NCAM2: variants seen among roughly 807,000 people sequenced by gnomAD.
NCAM2 encodes the protein N-CAM-2.
A neutral mutation model predicts 98.1 loss-of-function variants in NCAM2; 30 were observed. The observed-to-expected ratio is 0.31, with a 90% CI of 0.23 to 0.41. NCAM2 has a LOEUF of 0.41. NCAM2 is among the 10% of genes least tolerant of loss of function. The pLI is 1.00. For synonymous variants in NCAM2, 368 were observed against 342.4 expected (o/e 1.07, Z -0.83); for missense variants, 867 against 1,005.8 (o/e 0.86, Z 1.87).
chr21:21,290,880 C>T (rs2073266002), intron 4 of NCAM2, among the ~76,000 whole-genome samples: 1 of 151,870 alleles, frequency 6.6e-6, no homozygotes, highest in African/African-American at 2.4e-5. Context: ...ATGGCTCACT[C>T]ATGCAAAGTC....
chr21:21,257,286 A>G (rs2071710130), intron 1 of NCAM2, among the ~76,000 whole-genome samples: 1 of 152,224 alleles, frequency 6.6e-6, no homozygotes, highest in South Asian at 2.1e-4. Flanking sequence ...TAATCATAGA[A>G]TTGACAGCCA....
At chr21:21,245,022 G>A (rs1241871639) in intron 1 of NCAM2, among the ~76,000 whole-genome samples, 1 of 152,006 alleles carries the variant, frequency 6.6e-6, no homozygotes, top group Non-Finnish European at 1.5e-5. Context: ...ATTCAAGGGG[G>A]TATACACACT....
intron 1 of NCAM2, among the ~76,000 whole-genome samples, chr21:21,175,570 G>A (rs2146874823): frequency 6.6e-6 from 1 of 152,066 alleles, no homozygotes; most frequent in South Asian, 2.1e-4. Context: ...AAAACAGGGT[G>A]GTAACATTAA....
At chr21:21,466,533 T>G in intron 12 of NCAM2, 73 bp from the exon 13 acceptor site, 1 of 1,125,304 alleles carries the variant, frequency 8.9e-7, no homozygotes, top group Non-Finnish European at 1.2e-6. Context: ...TTTGTTTTCC[T>G]TATTAAAATG....
chr21:21,244,611 G>A (rs1338773685), intron 1 of NCAM2, among the ~76,000 whole-genome samples: 2 of 152,048 alleles, frequency 1.3e-5, no homozygotes, highest in Admixed American at 6.5e-5. Flanking sequence ...CACTTTGGGA[G>A]GCTGAGGCAG....
intron 9 of NCAM2, among the ~76,000 whole-genome samples, chr21:21,375,218 A>C (rs2076005210): frequency 6.7e-6 from 1 of 148,808 alleles, no homozygotes; most frequent in African/African-American, 2.5e-5. Flanking sequence ...ACAAAAACAA[A>C]AACAAAAAAA....
At chr21:21,401,315 G>A (rs1045255972) in intron 9 of NCAM2, among the ~76,000 whole-genome samples, 6 of 151,944 alleles carry the variant, frequency 3.9e-5, no homozygotes, top group Admixed American at 6.6e-5. Flanking sequence ...AGCCTTTTTC[G>A]TGGTGAGAAC....
In NCAM2 at chr21:21,157,567, TGAAGG is replaced by T. The variant is rs527651354; in HGVS notation, c.56-123009_56-123005del. ...TCATCTTTGTACATTGTCAAATAAATGAAGGGGAGGAATTAATTTAATTACACTTT... is the reference window on the plus strand; with the variant it reads ...TCATCTTTGTACATTGTCAAATAAATGGAGGAATTAATTTAATTACACTTT... On this transcript the variant is annotated intron_variant, in intron 1 of 17. Coordinates refer to ENST00000400546, the MANE Select transcript of NCAM2 (RefSeq NM_004540.5). Among the ~76,000 whole-genome samples the T allele has an allele frequency of 3.3e-5, 5 of 152,258 alleles. No individual in the cohort carries two copies. The South Asian group carries it at 1.0e-3, about 32-fold the overall frequency.
chr21:21,203,494 G>T (rs950775039), intron 1 of NCAM2, among the ~76,000 whole-genome samples: 2 of 152,116 alleles, frequency 1.3e-5, no homozygotes, highest in Admixed American at 6.5e-5. Context: ...CATATGTACA[G>T]TAATGATGTC....
intron 1 of NCAM2, among the ~76,000 whole-genome samples, chr21:21,048,822 A>G (rs2065048284): frequency 1.3e-5 from 2 of 152,172 alleles, no homozygotes; most frequent in Admixed American, 1.3e-4. Context: ...AATATTTTAC[A>G]GAGTTTGACT....
intron 1 of NCAM2, among the ~76,000 whole-genome samples, chr21:21,190,784 C>A (rs1294088654): frequency 6.6e-6 from 1 of 152,062 alleles, no homozygotes; most frequent in Non-Finnish European, 1.5e-5. Context: ...AATTTTCTTA[C>A]CTGTAAAATG....
chr21:21,047,716 A>G (rs375727538), intron 1 of NCAM2, among the ~76,000 whole-genome samples: 2 of 152,158 alleles, frequency 1.3e-5, no homozygotes, highest in African/African-American at 4.8e-5. Flanking sequence ...TTCATAACTC[A>G]TTAACTTGCT....
chr21:21,360,315 C>T, intron 8 of NCAM2, among the ~76,000 whole-genome samples: 1 of 151,960 alleles, frequency 6.6e-6, no homozygotes, highest in Non-Finnish European at 1.5e-5. Flanking sequence ...TGTTTAGTAG[C>T]TGTGTTTATA....
intron 9 of NCAM2, among the ~76,000 whole-genome samples, chr21:21,381,007 A>T (rs2076142473): frequency 6.6e-6 from 1 of 152,082 alleles, no homozygotes; most frequent in Non-Finnish European, 1.5e-5. Context: ...CTTTCCATTC[A>T]TTTACTTTTA....
intron 8 of NCAM2, among the ~76,000 whole-genome samples, chr21:21,358,305 C>T (rs1349397994): frequency 6.6e-6 from 1 of 151,980 alleles, no homozygotes; most frequent in Non-Finnish European, 1.5e-5. Flanking sequence ...CTGACTGAGC[C>T]TCACTCCCTA....
At chr21:21,367,764 C>T (rs910315002) in intron 8 of NCAM2, among the ~76,000 whole-genome samples, 3 of 151,838 alleles carry the variant, frequency 2.0e-5, no homozygotes, top group Non-Finnish European at 4.4e-5. Context: ...TCTTATCATA[C>T]CCATTATACA....
At chr21:21,052,895 ATAAAG>A (rs1047493043) in intron 1 of NCAM2, among the ~76,000 whole-genome samples, 24 of 152,204 alleles carry the variant, frequency 1.6e-4, no homozygotes, top group African/African-American at 5.3e-4. Context: ...TTTAGAGTAA[ATAAAG>A]TATTCATAAG....
chr21:21,024,647 C>A (rs1350372345), intron 1 of NCAM2, among the ~76,000 whole-genome samples: 1 of 152,000 alleles, frequency 6.6e-6, no homozygotes, highest in African/African-American at 2.4e-5. Context: ...GAGGCCGAGG[C>A]GGATGATAAC....
chr21:21,494,229 G>A (rs891671805), intron 15 of NCAM2, among the ~76,000 whole-genome samples: 6 of 151,692 alleles, frequency 4.0e-5, no homozygotes, highest in Admixed American at 2.0e-4. Context: ...TTGGACTTTC[G>A]AAAACAAATT....
Sources: gnomAD v4.1 joint callset for allele counts (sites outside exome capture counted in the v4.1 genomes callset) on GRCh38, gnomAD v4.1.1 for gene constraint, MANE v1.5 for transcripts, NCBI Gene and HGNC (gene_info 2026-07-23, HGNC 2026-07-21) for gene names.